MMRN1: variants seen among roughly 807,000 people sequenced by gnomAD.
MMRN1 encodes the protein multimerin 1, also known as multimerin-1.
A neutral mutation model predicts 100.7 loss-of-function variants in MMRN1; 94 were observed. That is an observed-to-expected ratio of 0.93 (90% confidence interval 0.79 to 1.11). The LOEUF (loss-of-function observed/expected upper bound fraction) is 1.11. Ranked by LOEUF, MMRN1 falls within the 50% of genes least tolerant of loss-of-function variation. MMRN1 has a pLI of 0.00. For missense variants in MMRN1, 1,606 were observed against 1,439.1 expected (o/e 1.12, Z -1.88); for synonymous variants, 575 against 505.0 (o/e 1.14, Z -1.86).
intron 1 of MMRN1, among the ~76,000 whole-genome samples, chr4:89,888,543 C>T (rs958458133): frequency 6.6e-6 from 1 of 151,596 alleles, no homozygotes; most frequent in African/African-American, 2.4e-5. Flanking sequence ...TATTTAGTCT[C>T]TCTTTTCTTC....
In MMRN1 at chr4:89,911,983, T is replaced by G; in HGVS notation, c.783T>G (p.His261Gln). Residue 261 changes from histidine (H) to glutamine (Q), a missense_variant, in exon 3 of 8, where the codon CAT (histidine) becomes CAG (glutamine). His to Gln is a conservative substitution (Grantham distance 24). Coordinates refer to ENST00000264790, the MANE Select transcript of MMRN1 (RefSeq NM_007351.3). ...CCAATCCTGTCTATAGGATGCAACA[T>G]AAAATTGTCACCTCATTGGATTGGA... The part of the protein sequence containing the change: ...KISNPVYRMQ[H>Q]KIVTSLDWRC... 6.2e-7 allele frequency: 1 copy of G among 1,604,554 alleles called. No individual in the cohort carries two copies. The highest frequency in any genetic ancestry group is 1.1e-5 in the South Asian group (1 of 90,140).
chr4:89,895,542 TC>T lies in MMRN1; in HGVS notation c.573del (p.Ser192AlafsTer31). ...ATACCTCAGCCGGGGTGACAGCAGT[TC>T]CAGCCAAAGAACTGACTACCAAAAA... The part of the protein sequence containing the change: ...ETYLSRGDSS[S>X]SQRTDYQKSN... On this transcript the variant is annotated frameshift_variant, in exon 1 of 8. Coordinates refer to ENST00000264790, the MANE Select transcript of MMRN1 (RefSeq NM_007351.3). LOFTEE classifies it high-confidence loss of function. 1 of 1,613,726 alleles carries T rather than the reference TC, an allele frequency of 6.2e-7. No homozygotes were observed. The highest frequency in any genetic ancestry group is 8.5e-7 in the Non-Finnish European group (1 of 1,179,852).
chr4:89,927,688 C>T, intron 4 of MMRN1, 107 bp from the exon 5 acceptor site: 1 of 958,046 alleles, frequency 1.0e-6, no homozygotes, highest in Non-Finnish European at 1.6e-6. Context: ...CTTTGTTGTG[C>T]TCCAGCTTAC....
intron 1 of MMRN1, among the ~76,000 whole-genome samples, chr4:89,908,488 T>C (rs1246064378): frequency 2.0e-5 from 3 of 151,496 alleles, no homozygotes; most frequent in East Asian, 1.9e-4. Flanking sequence ...CATATTTGCA[T>C]TGGGTTTCCC....
chr4:89,883,960 C>G (rs561065522), intron 1 of MMRN1, among the ~76,000 whole-genome samples: 1 of 152,000 alleles, frequency 6.6e-6, no homozygotes, highest in East Asian at 1.9e-4. Context: ...TTTAAATTCA[C>G]GTATTTGTTC....
intron 4 of MMRN1, among the ~76,000 whole-genome samples, chr4:89,927,310 T>A (rs1292913173): frequency 6.6e-6 from 1 of 152,130 alleles, no homozygotes; most frequent in East Asian, 1.9e-4. Context: ...GTTTTATAGT[T>A]TTCATTATAG....
intron 1 of MMRN1, among the ~76,000 whole-genome samples, chr4:89,897,022 A>G (rs1721227128): frequency 6.6e-6 from 1 of 152,174 alleles, no homozygotes; most frequent in Non-Finnish European, 1.5e-5. Flanking sequence ...TTGGGGGACA[A>G]CAGGATTTTA....
intron 1 of MMRN1, among the ~76,000 whole-genome samples, chr4:89,887,750 G>A (rs1030971262): frequency 2.8e-4 from 42 of 151,794 alleles, no homozygotes; most frequent in African/African-American, 9.9e-4. Flanking sequence ...TATAACATCA[G>A]AATCTACTTA....
chr4:89,884,774 A>C (rs1300828166), intron 1 of MMRN1, among the ~76,000 whole-genome samples: 1 of 152,018 alleles, frequency 6.6e-6, no homozygotes, highest in African/African-American at 2.4e-5. Flanking sequence ...AAAAACTTTG[A>C]GAATTACATA....
rs373323753 is a variant in MMRN1 at position 89,953,082 on chromosome 4, C to T, written c.3351C>T (p.Ile1117=). The change falls in exon 8 of 8, where the codon ATC becomes ATT. Residue 1117 remains isoleucine (I), a synonymous_variant. Coordinates refer to ENST00000264790, the MANE Select transcript of MMRN1 (RefSeq NM_007351.3). ...HTYGMTIPGP[I]LFNNLDVNYG... ...ATGGAATGACTATACCTGGTCCTATCCTGTTTAATAACTTGGATGTCAATT... is the reference window on the plus strand; with the variant it reads ...ATGGAATGACTATACCTGGTCCTATTCTGTTTAATAACTTGGATGTCAATT... The T allele has an allele frequency of 7.4e-5, 120 of 1,613,722 alleles. No individual in the cohort carries two copies. Among genetic ancestry groups the T allele is most frequent in the Non-Finnish European group, 9.7e-5 (115 of 1,179,846 alleles).
chr4:89,926,854 T>C (rs1045181961), intron 4 of MMRN1, among the ~76,000 whole-genome samples: 1 of 152,170 alleles, frequency 6.6e-6, no homozygotes, highest in African/African-American at 2.4e-5. Context: ...CATATGGACA[T>C]CCAATTTCCC....
chr4:89,936,218 A>C lies in MMRN1; in HGVS notation c.2538A>C (p.Glu846Asp). ...KYQQNMSHLE[E>D]KLLLTTKISK... ...AGCAAAATATGAGTCATTTGGAAGA[A>C]AAACTACTCTTAACTACCAAGATTT... Residue 846 changes from glutamate (E) to aspartate (D), a missense_variant, in exon 6 of 8, where the codon GAA (glutamate) becomes GAC (aspartate). Transcript: ENST00000264790. 1.2e-6 allele frequency: 2 copies of C among 1,605,888 alleles called. No homozygotes were observed. The highest frequency in any genetic ancestry group is 1.7e-6 in the Non-Finnish European group (2 of 1,177,822).
chr4:89,930,883 C>G (rs1249087109), intron 5 of MMRN1, among the ~76,000 whole-genome samples: 1 of 151,948 alleles, frequency 6.6e-6, no homozygotes, highest in Non-Finnish European at 1.5e-5. Flanking sequence ...GATAAAAATG[C>G]TTTAAAGCCT....
In MMRN1 at chr4:89,936,266, G is replaced by A; in HGVS notation, c.2586G>A (p.Leu862=). 3.1e-6 allele frequency: 5 copies of A among 1,606,174 alleles called. No individual in the cohort carries two copies. Among genetic ancestry groups the A allele is most frequent in the Non-Finnish European group, 4.2e-6 (5 of 1,177,938 alleles). ...TTTCCAAAAATTTTGAGACTCGGTT[G>A]CAAGACATTGAGTCTAAAGTTACCC... is the stretch of plus-strand genomic sequence containing the variant. The part of the protein sequence containing the change: ...TKISKNFETR[L]QDIESKVTQT... Residue 862 remains leucine, a synonymous_variant, in exon 6 of 8, where the codon TTG becomes TTA. Coordinates refer to ENST00000264790, the MANE Select transcript of MMRN1 (RefSeq NM_007351.3).
Position 89,934,861 on chromosome 4 carries a change from A to G in MMRN1, c.1181A>G (p.Gln394Arg), listed in dbSNP as rs148141919. 22 of 1,582,352 alleles carry G rather than the reference A, an allele frequency of 1.4e-5. No individual in the cohort carries two copies. Among genetic ancestry groups the G allele is most frequent in the Non-Finnish European group, 1.8e-5 (21 of 1,167,958 alleles). The change falls in exon 6 of 8, where the codon CAA becomes CGA. Residue 394 changes from glutamine (Q) to arginine (R), a missense_variant. Gln to Arg is a conservative substitution (Grantham distance 43). Coordinates refer to ENST00000264790, the MANE Select transcript of MMRN1 (RefSeq NM_007351.3). ...NVLIRDIVRE[Q>R]FKIFQNDMQE... is the part of the protein sequence containing the mutation. ...CTGATAAGAGACATAGTAAGAGAAC[A>G]ATTTAAAATTTTTCAAAATGACATG... is the stretch of plus-strand genomic sequence containing the variant.
At chr4:89,916,685 T>A in intron 3 of MMRN1, among the ~76,000 whole-genome samples, 1 of 151,644 alleles carries the variant, frequency 6.6e-6, no homozygotes, top group East Asian at 1.9e-4. Flanking sequence ...GCTTGTTTTT[T>A]TTCTTTCTGA....
Position 89,936,399 on chromosome 4 carries a change from G to C in MMRN1, c.2719G>C (p.Glu907Gln). The C allele has an allele frequency of 6.2e-7, 1 of 1,609,376 alleles. No individual in the cohort carries two copies. The highest frequency in any genetic ancestry group is 8.5e-7 in the Non-Finnish European group (1 of 1,178,654). The change falls in exon 6 of 8, where the codon GAA (glutamate) becomes CAA (glutamine). Residue 907 changes from glutamate (E) to glutamine (Q), a missense_variant. Glu to Gln is a conservative substitution (Grantham distance 29). Coordinates refer to ENST00000264790, the MANE Select transcript of MMRN1 (RefSeq NM_007351.3). ...ATTAAATTCCAGATTTAAGGCGTTG[G>C]AAGCAAAATCTATCCATCTTTCAAT... ...QVLNSRFKALEAKSIHLSINF... is the reference protein window; with the variant it reads ...QVLNSRFKALQAKSIHLSINF...
intron 4 of MMRN1, among the ~76,000 whole-genome samples, chr4:89,927,440 T>C (rs538240888): frequency 1.1e-4 from 16 of 152,296 alleles, no homozygotes; most frequent in African/African-American, 3.4e-4. Context: ...ATAAAAATGC[T>C]ACTGAGTTTC....
intron 6 of MMRN1, among the ~76,000 whole-genome samples, chr4:89,943,129 A>G (rs1184697384): frequency 6.6e-6 from 1 of 152,142 alleles, no homozygotes. Context: ...AGAAGAAACA[A>G]AAGAGACAGG....
Sources: gnomAD v4.1 joint callset for allele counts (sites outside exome capture counted in the v4.1 genomes callset) on GRCh38, gnomAD v4.1.1 for gene constraint, MANE v1.5 for transcripts, NCBI Gene and HGNC (gene_info 2026-07-23, HGNC 2026-07-21) for gene names.